The following RAD17 variants were observed in gnomAD, a reference collection of about 807,000 sequenced individuals.
The protein encoded by RAD17 is RAD17 checkpoint clamp loader component, also known as cell cycle checkpoint protein RAD17.
In RAD17, 31 loss-of-function variants were observed where a neutral mutation model predicts 81.5. The ratio of observed to expected loss-of-function variants is 0.38; its 90% CI spans 0.29 to 0.51. The LOEUF is 0.51. Ranked by LOEUF, RAD17 falls within the 20% of genes least tolerant of loss-of-function variation. The pLI, the probability that RAD17 is intolerant of heterozygous loss-of-function variation, is 0.88. For missense variants in RAD17, 681 were observed against 781.2 expected (o/e 0.87, Z 1.53); for synonymous variants, 261 against 266.2 (o/e 0.98, Z 0.19).
Position 69,410,965 on chromosome 5 carries a change from C to CCATATATATATATATATATA in RAD17, c.1751+415_1751+416insCATATATATATATATATATA, listed in dbSNP as rs1554044687. 2.4e-4 allele frequency among the ~76,000 whole-genome samples: 22 copies of CCATATATATATATATATATA among 90,240 alleles called. 1 individual carries two copies. The highest frequency in any genetic ancestry group is 3.0e-4 in the Non-Finnish European group (15 of 49,518). 59.2% of individuals were successfully genotyped at this position (90,240 alleles called of 152,430 possible). A position where few individuals can be genotyped will look rare whatever the true frequency, so the allele number is the denominator to read the frequency against. On this transcript the variant is annotated intron_variant, in intron 18 of 18. Transcript: ENST00000354868. ...AAACAAGCAAAAAATAGATGTCTGT[C>CCATATATATATATATATATA]TATATATATATATATATATATATAT...
At chr5:69,375,758 A>C (rs1023595530) in intron 6 of RAD17, among the ~76,000 whole-genome samples, 3 of 151,952 alleles carry the variant, frequency 2.0e-5, no homozygotes, top group African/African-American at 7.2e-5. Context: ...TGTCCCCAAA[A>C]TGTCTTTTGT....
intron 17 of RAD17, among the ~76,000 whole-genome samples, chr5:69,405,164 T>C (rs544826938): frequency 6.6e-6 from 1 of 152,188 alleles, no homozygotes; most frequent in African/African-American, 2.4e-5. Flanking sequence ...AGTAAGAATG[T>C]AAATTAGTAC....
chr5:69,375,286 ATT>A (rs762598813), intron 6 of RAD17, among the ~76,000 whole-genome samples: 287 of 152,300 alleles, frequency 1.9e-3, no homozygotes, highest in Non-Finnish European at 2.9e-3. Context: ...GTGCTAGTGT[ATT>A]TAGCACATCA....
At chr5:69,376,556 A>G (rs577329333) in intron 6 of RAD17, among the ~76,000 whole-genome samples, 1 of 152,328 alleles carries the variant, frequency 6.6e-6, no homozygotes, top group Non-Finnish European at 1.5e-5. Context: ...TGTACCTCAT[A>G]TCCCCTGCCC....
chr5:69,385,021 G>T, intron 8 of RAD17, 88 bp downstream of exon 8: 1 of 1,139,822 alleles, frequency 8.8e-7, no homozygotes, highest in Non-Finnish European at 1.2e-6. Context: ...GTGCAGTGGC[G>T]CGATCTCAGC....
intron 13 of RAD17, 193 bp from the exon 14 acceptor site, chr5:69,392,962 T>G: frequency 1.9e-6 from 1 of 531,370 alleles, no homozygotes; most frequent in Non-Finnish European, 3.3e-6. Context: ...GCATCAGAAT[T>G]GTTAATTTAG....
At position 69,391,893 on chromosome 5, in the gene RAD17, A is replaced by G. The variant is rs199557812; in HGVS notation, c.1069A>G (p.Lys357Glu). Residue 357 changes from lysine to glutamate, a missense_variant, in exon 13 of 19, where the codon AAA becomes GAA. Transcript: ENST00000354868. Reference protein sequence around the residue: ...MSLKSDAVLSKSKRRKKPDRV... With the variant: ...MSLKSDAVLSESKRRKKPDRV... The stretch of plus-strand genomic sequence containing the variant: ...TTTAAAATCAGATGCTGTGCTGTCA[A>G]AATCAAAACGAAGAAAAAAACCTGA... 1.3e-6 allele frequency: 2 copies of G among 1,595,904 alleles called. No individual in the cohort carries two copies. The highest frequency in any genetic ancestry group is 1.7e-6 in the Non-Finnish European group (2 of 1,174,632).
intron 7 of RAD17, among the ~76,000 whole-genome samples, chr5:69,384,432 A>T (rs143423454): frequency 6.6e-6 from 1 of 152,174 alleles, no homozygotes; most frequent in African/African-American, 2.4e-5. Context: ...CCTCTGCCTC[A>T]GCCCTGCAAG....
At chr5:69,406,057 A>G (rs1420373181) in intron 17 of RAD17, among the ~76,000 whole-genome samples, 1 of 142,328 alleles carries the variant, frequency 7.0e-6, no homozygotes, top group African/African-American at 2.5e-5. Flanking sequence ...AAAAAAAAAA[A>G]GAATATGAAG....
intron 17 of RAD17, among the ~76,000 whole-genome samples, chr5:69,406,915 C>CTA (rs1210689049): frequency 6.6e-6 from 1 of 150,586 alleles, no homozygotes; most frequent in Non-Finnish European, 1.5e-5. Flanking sequence ...AGTCATTCTA[C>CTA]TATATATATA....
upstream of RAD17, chr5:69,369,597 C>T (rs1248685417): frequency 1.3e-6 from 2 of 1,590,876 alleles, no homozygotes; most frequent in Non-Finnish European, 1.7e-6. Context: ...CCAAAGGCCC[C>T]GAAGCCCACC....
chr5:69,398,603 C>T (rs894853016), intron 16 of RAD17, among the ~76,000 whole-genome samples: 16 of 151,746 alleles, frequency 1.1e-4, no homozygotes, highest in African/African-American at 3.1e-4. Flanking sequence ...GTCAGGAGTT[C>T]GAGACCAGCC....
chr5:69,393,354 G>A lies in RAD17; in HGVS notation c.1276G>A (p.Glu426Lys), dbSNP rs750750467. Residue 426 changes from glutamate to lysine, a missense_variant and splice_region_variant, in exon 15 of 19, where the codon GAG (glutamate) becomes AAG (lysine). Physicochemically the swap from Glu to Lys is moderately conservative, Grantham distance 56 (BLOSUM62 1). Transcript: ENST00000354868. Reference sequence around the variant, plus strand: ...TATGTATATATGCTTCTTTTTATAGGAGGTAGTAGAAATGTCACACATGCC... The same window carrying A: ...TATGTATATATGCTTCTTTTTATAGAAGGTAGTAGAAATGTCACACATGCC... ...ERDTLLVEPE[E>K]VVEMSHMPGD... 6.9e-6 allele frequency: 11 copies of A among 1,587,100 alleles called. No homozygotes were observed. In the South Asian group the frequency reaches 1.1e-4, roughly 16 times the overall value.
chr5:69,387,728 G>T (rs1460365864), intron 11 of RAD17, among the ~76,000 whole-genome samples: 1 of 151,990 alleles, frequency 6.6e-6, no homozygotes, highest in Non-Finnish European at 1.5e-5. Context: ...GTGGTGGCGG[G>T]TACCTATAAT....
chr5:69,378,888 A>G (rs181555478), intron 6 of RAD17, among the ~76,000 whole-genome samples: 92 of 152,342 alleles, frequency 6.0e-4, no homozygotes, highest in Admixed American at 1.9e-3. Flanking sequence ...ACTGTAGGCA[A>G]TTATAACACA....
chr5:69,385,980 A>G, intron 8 of RAD17, 63 bp from the exon 9 acceptor site: 1 of 1,386,706 alleles, frequency 7.2e-7, no homozygotes, highest in Non-Finnish European at 9.5e-7. Context: ...ATAAATATAA[A>G]TTTGAAAAAT....
At chr5:69,371,309 C>A in intron 2 of RAD17, 138 bp downstream of exon 2, 2 of 465,730 alleles carry the variant, frequency 4.3e-6, no homozygotes, top group Non-Finnish European at 7.9e-6. Context: ...ATTTTGATTT[C>A]TTGTATCACT....
In RAD17 at chr5:69,391,845, C is replaced by T. The variant is rs1421121899; in HGVS notation, c.1021C>T (p.Arg341Trp). ...ATATTATTCAGGAGAAAACAACTTA[C>T]GGCCAAGGAAAAAAGGAATGTCTTT... The part of the protein sequence containing the change: ...FSSSKGENNL[R>W]PRKKGMSLKS... Residue 341 changes from arginine (R) to tryptophan (W), a missense_variant, in exon 13 of 19, where the codon CGG becomes TGG. Arg to Trp is a moderately radical substitution (Grantham distance 101, BLOSUM62 -3). Transcript: ENST00000354868. 17 of 1,543,870 alleles carry T rather than the reference C, an allele frequency of 1.1e-5. No individual in the cohort carries two copies. The highest frequency in any genetic ancestry group is 1.5e-5 in the Non-Finnish European group (17 of 1,152,446).
chr5:69,414,391 AAC>A lies in RAD17; in HGVS notation c.*101_*102del, dbSNP rs1477202810. 1.3e-5 allele frequency: 17 copies of A among 1,307,578 alleles called. No individual in the cohort carries two copies. The East Asian group carries it at 2.3e-4, about 18-fold the overall frequency. The allele number at this position is 1,307,578 out of a possible 1,614,324, so 81.0% of individuals were successfully genotyped here. A position where few individuals can be genotyped will look rare whatever the true frequency, so the allele number is the denominator to read the frequency against. On this transcript the variant is annotated 3_prime_UTR_variant, in exon 19 of 19. Transcript: ENST00000354868. ...AATATGCTTTTCTGATGAATTACAC[AAC>A]AGTTTGTTAATTCTTCATTCTTGTA... is the stretch of plus-strand genomic sequence containing the variant.
Sources: gnomAD v4.1 joint callset for allele counts (sites outside exome capture counted in the v4.1 genomes callset) on GRCh38, gnomAD v4.1.1 for gene constraint, MANE v1.5 for transcripts, NCBI Gene and HGNC (gene_info 2026-07-23, HGNC 2026-07-21) for gene names.